ADAMTS12: variants seen among roughly 807,000 people sequenced by gnomAD.
ADAMTS12 encodes the protein A disintegrin and metalloproteinase with thrombospondin motifs 12.
ADAMTS12 carries 118 observed loss-of-function variants against 167.8 expected under a neutral mutation model. The ratio of observed to expected loss-of-function variants is 0.70; its 90% CI spans 0.61 to 0.82. The LOEUF is 0.82. Ranked by LOEUF, ADAMTS12 falls within the 40% of genes least tolerant of loss-of-function variation. The pLI is 0.00. For synonymous variants in ADAMTS12, 704 were observed against 716.9 expected (o/e 0.98, Z 0.29); for missense variants, 1,916 against 1,998.8 (o/e 0.96, Z 0.79).
At position 33,648,885 on chromosome 5, in the gene ADAMTS12, A is replaced by G. The variant is rs202167475; in HGVS notation, c.1416T>C (p.Tyr472=). ...GTAGCTGGCACTGGTGGTGAACATC[A>G]TAGATCACTCCGGGGGCAATGACCT... The part of the protein sequence containing the change: ...KSKVIAPGVI[Y]DVHHQCQLQY... The change falls in exon 9 of 24, where the codon TAT becomes TAC. Residue 472 remains tyrosine, a synonymous_variant. Coordinates refer to ENST00000504830, the MANE Select transcript of ADAMTS12 (RefSeq NM_030955.4). 5.0e-6 allele frequency: 8 copies of G among 1,613,948 alleles called. No individual in the cohort carries two copies. Among genetic ancestry groups the G allele is most frequent in the Middle Eastern group, 3.3e-4 (2 of 6,082 alleles).
chr5:33,750,535 T>A (rs926842635), intron 3 of ADAMTS12, among the ~76,000 whole-genome samples: 6 of 152,210 alleles, frequency 3.9e-5, no homozygotes, highest in Admixed American at 3.3e-4. Context: ...TGAGGTCCAT[T>A]GTTTCCAAAT....
chr5:33,688,810 C>A (rs534816934), intron 3 of ADAMTS12, among the ~76,000 whole-genome samples: 1 of 152,302 alleles, frequency 6.6e-6, no homozygotes, highest in South Asian at 2.1e-4. Flanking sequence ...CCAGCCCAAC[C>A]CTTCCCTCAT....
At chr5:33,719,201 A>G (rs572100369) in intron 3 of ADAMTS12, among the ~76,000 whole-genome samples, 1 of 152,184 alleles carries the variant, frequency 6.6e-6, no homozygotes. Context: ...AGAGGAATAG[A>G]TACAGATATT....
At chr5:33,682,507 C>T (rs1280454937) in intron 5 of ADAMTS12, among the ~76,000 whole-genome samples, 1 of 151,940 alleles carries the variant, frequency 6.6e-6, no homozygotes, top group Non-Finnish European at 1.5e-5. Flanking sequence ...ACATTTAAGT[C>T]TTATATATTA....
intron 16 of ADAMTS12, among the ~76,000 whole-genome samples, chr5:33,598,185 T>C (rs1171592108): frequency 1.3e-5 from 2 of 152,134 alleles, no homozygotes; most frequent in African/African-American, 2.4e-5. Context: ...TGGTGACCAT[T>C]ACTCTTCTCT....
At chr5:33,573,158 A>T (rs1445981427) in intron 19 of ADAMTS12, among the ~76,000 whole-genome samples, 1 of 152,118 alleles carries the variant, frequency 6.6e-6, no homozygotes, top group East Asian at 1.9e-4. Context: ...CAATATCGTG[A>T]AAATGGCCAT....
Position 33,583,027 on chromosome 5 carries a change from AT to A in ADAMTS12, c.2865+5571del, listed in dbSNP as rs571364662. On this transcript the variant is annotated intron_variant, in intron 18 of 23. Transcript: ENST00000504830. The stretch of plus-strand genomic sequence containing the variant: ...TCTTTAAGTTATTTTAAAATGTGTA[AT>A]TAAGTTATTATTGACTATAGTCACC... 8.3e-4 allele frequency among the ~76,000 whole-genome samples: 127 copies of A among 152,300 alleles called. 1 individual carries two copies. Among genetic ancestry groups the A allele is most frequent in the African/African-American group, 2.9e-3 (119 of 41,566 alleles).
At chr5:33,540,599 C>T (rs542567999) in intron 22 of ADAMTS12, among the ~76,000 whole-genome samples, 114 of 152,310 alleles carry the variant, frequency 7.5e-4, no homozygotes, top group Middle Eastern at 3.4e-3. Context: ...CCCTCTGGGA[C>T]GAAGCTTCCA....
In ADAMTS12 at chr5:33,871,560, T is replaced by C. The variant is rs565680696; in HGVS notation, c.489+9559A>G. ...CAAGCCTGTTTCAATATTTGAAAAA[T>C]GAGCCAATGCCACCTTAGGTAACTA... On this transcript the variant is annotated intron_variant, in intron 2 of 23. Coordinates refer to ENST00000504830, the MANE Select transcript of ADAMTS12 (RefSeq NM_030955.4). Among the ~76,000 whole-genome samples, 17 of 151,330 alleles carry C rather than the reference T, an allele frequency of 1.1e-4. No homozygotes were observed. In the East Asian group the frequency reaches 3.3e-3, roughly 29 times the overall value.
At chr5:33,559,291 G>A (rs1394869235) in intron 20 of ADAMTS12, among the ~76,000 whole-genome samples, 1 of 152,154 alleles carries the variant, frequency 6.6e-6, no homozygotes, top group Non-Finnish European at 1.5e-5. Context: ...GCTTCCTAGG[G>A]TTGATCATGT....
intron 3 of ADAMTS12, among the ~76,000 whole-genome samples, chr5:33,697,613 A>G (rs1301988688): frequency 6.6e-6 from 1 of 151,956 alleles, no homozygotes; most frequent in Non-Finnish European, 1.5e-5. Flanking sequence ...ATGCCCAGAC[A>G]CAATACCACA....
At chr5:33,746,851 A>G (rs1439831319) in intron 3 of ADAMTS12, among the ~76,000 whole-genome samples, 2 of 152,236 alleles carry the variant, frequency 1.3e-5, no homozygotes, top group East Asian at 1.9e-4. Flanking sequence ...GGTCTAGAGC[A>G]GAGCTGAGGC....
chr5:33,805,604 G>A (rs112721543), intron 2 of ADAMTS12, among the ~76,000 whole-genome samples: 13 of 152,188 alleles, frequency 8.5e-5, no homozygotes, highest in East Asian at 1.9e-4. Flanking sequence ...TAAGGGGAGC[G>A]CGTGGAGGCT....
At chr5:33,657,472 A>G (rs975163478) in intron 7 of ADAMTS12, among the ~76,000 whole-genome samples, 11 of 152,206 alleles carry the variant, frequency 7.2e-5, no homozygotes, top group African/African-American at 2.7e-4. Flanking sequence ...AAAGTTACAA[A>G]TAAGCTAAGA....
chr5:33,689,112 T>A (rs1742457221), intron 3 of ADAMTS12, among the ~76,000 whole-genome samples: 1 of 152,188 alleles, frequency 6.6e-6, no homozygotes, highest in African/African-American at 2.4e-5. Flanking sequence ...CTAACAGCCA[T>A]CTGGGATCCA....
intron 20 of ADAMTS12, among the ~76,000 whole-genome samples, chr5:33,554,416 A>T (rs960866111): frequency 6.6e-6 from 1 of 152,136 alleles, no homozygotes; most frequent in African/African-American, 2.4e-5. Context: ...CTTCTATTTA[A>T]TTGCCACTCC....
rs550403179 is a variant in ADAMTS12, at chr5:33,826,872, C to G, written c.489+54247G>C. ...TCTATGTGTTTGGATGGTAGTGAGA[C>G]CTCAGCTACATTGCCAGGCATTACG... On this transcript the variant is annotated intron_variant, in intron 2 of 23. Coordinates refer to ENST00000504830, the MANE Select transcript of ADAMTS12 (RefSeq NM_030955.4). Among the ~76,000 whole-genome samples, 67 of 152,208 alleles carry G rather than the reference C, an allele frequency of 4.4e-4. 2 individuals are homozygous for G. In the South Asian group the frequency reaches 0.014, roughly 31 times the overall value.
chr5:33,655,987 C>T (rs543016533), intron 7 of ADAMTS12, among the ~76,000 whole-genome samples: 5 of 152,198 alleles, frequency 3.3e-5, no homozygotes, highest in African/African-American at 1.2e-4. Flanking sequence ...CTAGTTCTGC[C>T]TTCAGTGTTC....
Position 33,741,781 on chromosome 5 carries a change from C to T in ADAMTS12, c.634+9623G>A, listed in dbSNP as rs1383990710. On this transcript the variant is annotated intron_variant, in intron 3 of 23. Transcript: ENST00000504830. ...TAGCTGGAATTACAGGCATGTGCCA[C>T]CACACCCAGCTAATTTTTGTATTTT... is the stretch of plus-strand genomic sequence containing the variant. 2.0e-5 allele frequency among the ~76,000 whole-genome samples: 3 copies of T among 152,098 alleles called. No individual in the cohort carries two copies. The South Asian group carries it at 6.2e-4, about 32-fold the overall frequency.
Sources: allele counts gnomAD v4.1 joint callset (sites outside exome capture counted in the v4.1 genomes callset), GRCh38; gene constraint gnomAD v4.1.1; transcripts MANE v1.5; gene names NCBI Gene and HGNC (gene_info 2026-07-23, HGNC 2026-07-21).